ZNF566: variants seen among roughly 807,000 people sequenced by gnomAD.
ZNF566 encodes zinc finger protein 566.
In ZNF566, 27 loss-of-function variants were observed where a neutral mutation model predicts 32.8. The ratio of observed to expected loss-of-function variants is 0.82; its 90% CI spans 0.61 to 1.14. The LOEUF (loss-of-function observed/expected upper bound fraction) is 1.14. Among genes scored for constraint, ZNF566 ranks in the 50% most tolerant of loss-of-function variants. The pLI is 0.00. For synonymous variants in ZNF566, 154 were observed against 159.5 expected, an observed-to-expected ratio of 0.97 and a Z score of 0.26; for missense variants, 402 against 490.4, an observed-to-expected ratio of 0.82 and a Z score of 1.70.
At position 36,489,022 on chromosome 19, in the gene ZNF566, C is replaced by T. The variant is rs117831770; in HGVS notation, c.-60+464G>A. Among the ~76,000 whole-genome samples the T allele has an allele frequency of 6.6e-5, 10 of 152,264 alleles. No individual in the cohort carries two copies. In the East Asian group the frequency reaches 1.9e-3, roughly 29 times the overall value. ...CCGAGGAGGCAGTCACAGTCACAAC[C>T]ACATTGTCACAGTCGGCGCACACCT... On this transcript the variant is annotated intron_variant, in intron 1 of 4. Coordinates refer to ENST00000452939, the MANE Select transcript of ZNF566 (RefSeq NM_001145344.1).
At chr19:36,481,473 GAAAAA>G (rs79028574) in intron 1 of ZNF566, among the ~76,000 whole-genome samples, 97 of 110,844 alleles carry the variant, frequency 8.8e-4, no homozygotes, top group African/African-American at 3.3e-3. Flanking sequence ...ACTGTCTCGG[GAAAAA>G]AAAAAAAAAA....
chr19:36,470,087 G>A (rs2033725091), intron 4 of ZNF566, among the ~76,000 whole-genome samples: 1 of 152,080 alleles, frequency 6.6e-6, no homozygotes, highest in South Asian at 2.1e-4. Context: ...TTCTCCTGCT[G>A]TAAACCTCTA....
At chr19:36,457,781 C>T (rs2033353218) in intron 4 of ZNF566, among the ~76,000 whole-genome samples, 1 of 152,150 alleles carries the variant, frequency 6.6e-6, no homozygotes, top group Non-Finnish European at 1.5e-5. Flanking sequence ...ATCTCAGCTA[C>T]TTGGGAGGCT....
At chr19:36,477,545 G>GTT (rs2033924883) in intron 1 of ZNF566, among the ~76,000 whole-genome samples, 1 of 84,934 alleles carries the variant, frequency 1.2e-5, no homozygotes, top group African/African-American at 4.1e-5. Context: ...TTGTTTGTTT[G>GTT]TTTGTTTTTT....
rs931907950 is a variant in ZNF566 at position 36,473,418 on chromosome 19, T to G, written c.50A>C (p.Gln17Pro). 1 of 1,613,092 alleles carries G rather than the reference T, an allele frequency of 6.2e-7. No homozygotes were observed. Among genetic ancestry groups the G allele is most frequent in the Admixed American group, 1.7e-5 (1 of 59,940 alleles). ...ATCATTCAGGCATTCCCACTCCTCC[T>G]GAGAGAAGTCTACGGACACATCACT... is the stretch of plus-strand genomic sequence containing the variant. ...MFSDVSVDFS[Q>P]EEWECLNDDQ... The change falls in exon 3 of 5, where the codon CAG becomes CCG. Residue 17 changes from glutamine (Q) to proline (P), a missense_variant. By Grantham distance (76) the Gln-to-Pro change is moderately conservative (BLOSUM62 -1). This residue lies in a region of ZNF566 where 220 missense variants were observed against 241.9 expected (regional missense o/e 0.91). Coordinates refer to ENST00000452939, the MANE Select transcript of ZNF566 (RefSeq NM_001145344.1).
intron 4 of ZNF566, among the ~76,000 whole-genome samples, chr19:36,459,203 G>A (rs188782224): frequency 7.9e-5 from 12 of 152,254 alleles, no homozygotes; most frequent in Non-Finnish European, 1.5e-4. Context: ...GGAAAATATG[G>A]CAATGATATA....
intron 1 of ZNF566, among the ~76,000 whole-genome samples, chr19:36,477,067 G>A (rs550217882): frequency 2.0e-5 from 3 of 151,690 alleles, no homozygotes; most frequent in Non-Finnish European, 4.4e-5. Flanking sequence ...CTGGAGTGCA[G>A]TGGTGCAATC....
chr19:36,480,289 T>TTTTTC, intron 1 of ZNF566, among the ~76,000 whole-genome samples: 1 of 100,964 alleles, frequency 9.9e-6, no homozygotes, highest in Non-Finnish European at 2.4e-5. Context: ...TTTTTTTTTC[T>TTTTTC]TTTTTTTTTT....
chr19:36,463,908 T>C (rs1205621134), intron 4 of ZNF566, among the ~76,000 whole-genome samples: 1 of 152,008 alleles, frequency 6.6e-6, no homozygotes, highest in Admixed American at 6.5e-5. Context: ...GTATTTTTAG[T>C]AGAGCCTGGG....
chr19:36,465,698 C>A (rs2033595320), intron 4 of ZNF566, among the ~76,000 whole-genome samples: 1 of 151,928 alleles, frequency 6.6e-6, no homozygotes, highest in Admixed American at 6.6e-5. Context: ...TGGTCTCGAT[C>A]TCCTGACCGC....
intron 1 of ZNF566, among the ~76,000 whole-genome samples, chr19:36,480,589 T>G (rs1339929234): frequency 8.2e-6 from 1 of 121,318 alleles, no homozygotes; most frequent in Admixed American, 8.2e-5. Context: ...CCAGCCTCCA[T>G]GCAGTTTAGA....
chr19:36,450,767 C>T (rs372426101), intron 4 of ZNF566, among the ~76,000 whole-genome samples: 6 of 152,326 alleles, frequency 3.9e-5, no homozygotes, highest in African/African-American at 1.2e-4. Context: ...TGGCCTATGG[C>T]CCTGCACCCA....
chr19:36,462,780 A>T (rs929231983), intron 4 of ZNF566, among the ~76,000 whole-genome samples: 4 of 149,738 alleles, frequency 2.7e-5, no homozygotes, highest in Admixed American at 2.7e-4. Flanking sequence ...ACGCGGTGAA[A>T]CCCCGCCTCT....
intron 1 of ZNF566, among the ~76,000 whole-genome samples, chr19:36,488,379 G>A (rs979002250): frequency 2.6e-4 from 39 of 152,316 alleles, no homozygotes; most frequent in Middle Eastern, 3.4e-3. Context: ...ACACGCATGA[G>A]CCTCCACACT....
chr19:36,485,286 A>G (rs1029222303), intron 1 of ZNF566, among the ~76,000 whole-genome samples: 15 of 150,304 alleles, frequency 1.0e-4, no homozygotes, highest in Non-Finnish European at 1.8e-4. Context: ...AAAAAAAAAA[A>G]AAGAAAATAG....
At position 36,476,573 on chromosome 19, in the gene ZNF566, AG is replaced by A; in HGVS notation, c.-17del. 1 of 1,613,660 alleles carries A rather than the reference AG, an allele frequency of 6.2e-7. No homozygotes were observed. The highest frequency in any genetic ancestry group is 8.5e-7 in the Non-Finnish European group (1 of 1,179,796). ...CCTGAGCCATGGCTCTGATATTTGT[AG>A]AAAAGGACCTTCTCTTGGCTCTTCT... is the stretch of plus-strand genomic sequence containing the variant. On this transcript the variant is annotated 5_prime_UTR_variant, in exon 2 of 5. Transcript: ENST00000452939.
chr19:36,467,790 CAAAAAAAA>C (rs560803094), intron 4 of ZNF566, among the ~76,000 whole-genome samples: 27 of 85,918 alleles, frequency 3.1e-4, no homozygotes, highest in East Asian at 1.5e-3. Context: ...GACTCCATCT[CAAAAAAAA>C]AAAAAAAAAA....
chr19:36,470,761 T>A (rs2033741865), intron 4 of ZNF566, among the ~76,000 whole-genome samples: 1 of 151,526 alleles, frequency 6.6e-6, no homozygotes, highest in African/African-American at 2.4e-5. Flanking sequence ...AATACAAAAA[T>A]TAGCTGGGCA....
chr19:36,462,265 G>A (rs1305214975), intron 4 of ZNF566, among the ~76,000 whole-genome samples: 1 of 152,146 alleles, frequency 6.6e-6, no homozygotes, highest in Non-Finnish European at 1.5e-5. Context: ...TGGGATTACA[G>A]ACATGAGCCA....
Sources: gnomAD v4.1 joint callset for allele counts (sites outside exome capture counted in the v4.1 genomes callset) on GRCh38, gnomAD v4.1.1 for gene constraint, gnomAD v4.1.1 regional missense constraint, MANE v1.5 for transcripts, NCBI Gene and HGNC (gene_info 2026-07-23, HGNC 2026-07-21) for gene names.